GRM5: variants seen among roughly 807,000 people sequenced by gnomAD.
GRM5 encodes the protein metabotropic glutamate receptor 5.
GRM5 carries 19 observed loss-of-function variants against 83.1 expected under a neutral mutation model. The observed-to-expected ratio is 0.23, with a 90% CI of 0.16 to 0.34. The LOEUF (loss-of-function observed/expected upper bound fraction) is 0.34, where lower values mean the gene tolerates loss of function less well. Among genes scored for constraint, GRM5 ranks in the 10% least tolerant of loss-of-function variants. The probability of loss-of-function intolerance (pLI) is 1.00; values close to 1 mark genes in which losing one functional copy is unlikely to be tolerated. For missense variants in GRM5, 1,160 were observed against 1,588.3 expected, an observed-to-expected ratio of 0.73 and a Z score of 4.58; for synonymous variants, 675 against 633.6, an observed-to-expected ratio of 1.07 and a Z score of -0.98.
intron 2 of GRM5, among the ~76,000 whole-genome samples, chr11:88,987,287 C>T (rs1486469302): frequency 1.3e-5 from 2 of 152,180 alleles, no homozygotes; most frequent in African/African-American, 4.8e-5. Context: ...CACCCAAATA[C>T]TGCGCTTTTC....
At chr11:88,995,375 T>A (rs1344361764) in intron 2 of GRM5, among the ~76,000 whole-genome samples, 1 of 151,524 alleles carries the variant, frequency 6.6e-6, no homozygotes, top group Non-Finnish European at 1.5e-5. Flanking sequence ...TGAAACCCCA[T>A]CTCTACTAAA....
chr11:88,734,696 T>G lies in GRM5; in HGVS notation c.912-81293A>C, dbSNP rs191496939. ...CTTTTTAGATTACAGAATATTTTCA[T>G]CATTTTCTGTCTGTCACAGATGCTA... On this transcript the variant is annotated intron_variant, in intron 3 of 9. Transcript: ENST00000305447. 8.3e-4 allele frequency among the ~76,000 whole-genome samples: 127 copies of G among 152,216 alleles called. 1 individual carries two copies. The highest frequency in any genetic ancestry group is 1.1e-3 in the Non-Finnish European group (74 of 67,966).
At chr11:88,941,810 GA>G (rs1938123882) in intron 2 of GRM5, among the ~76,000 whole-genome samples, 1 of 151,922 alleles carries the variant, frequency 6.6e-6, no homozygotes, top group Non-Finnish European at 1.5e-5. Flanking sequence ...GATGATGTGG[GA>G]GACATACAAC....
intron 4 of GRM5, among the ~76,000 whole-genome samples, chr11:88,636,693 G>A (rs1220437958): frequency 3.3e-5 from 5 of 152,120 alleles, no homozygotes; most frequent in Admixed American, 3.3e-4. Context: ...TGGTAATAAT[G>A]TATTATAATT....
intron 3 of GRM5, among the ~76,000 whole-genome samples, chr11:88,821,344 C>CAAA (rs375051761): frequency 5.0e-4 from 34 of 68,172 alleles, no homozygotes; most frequent in African/African-American, 1.2e-3. Flanking sequence ...CTTGAGGGGC[C>CAAA]AAAAAAAAAA....
chr11:88,737,836 A>G (rs1400957159), intron 3 of GRM5, among the ~76,000 whole-genome samples: 1 of 152,106 alleles, frequency 6.6e-6, no homozygotes, highest in Non-Finnish European at 1.5e-5. Flanking sequence ...ACTGAAATTT[A>G]GCTTTAAAAT....
At chr11:89,061,746 G>A (rs925574207) in intron 1 of GRM5, among the ~76,000 whole-genome samples, 4 of 152,112 alleles carry the variant, frequency 2.6e-5, no homozygotes, top group Admixed American at 2.0e-4. Context: ...TGAAAAACTT[G>A]GATTATTCAG....
chr11:89,051,564 G>A (rs1240919831), intron 1 of GRM5, among the ~76,000 whole-genome samples: 1 of 151,968 alleles, frequency 6.6e-6, no homozygotes, highest in Non-Finnish European at 1.5e-5. Context: ...AGAAAAATTA[G>A]CTGGATGTGG....
chr11:88,544,218 AGTCC>A (rs1171146861), intron 8 of GRM5, among the ~76,000 whole-genome samples: 1 of 152,178 alleles, frequency 6.6e-6, no homozygotes, highest in East Asian at 1.9e-4. Flanking sequence ...AGTGTTACCC[AGTCC>A]GTGGTATTCT....
intron 8 of GRM5, among the ~76,000 whole-genome samples, chr11:88,551,770 G>A (rs1442329563): frequency 6.6e-6 from 1 of 152,114 alleles, no homozygotes; most frequent in East Asian, 1.9e-4. Flanking sequence ...TGTAAGAAGT[G>A]AATTAGATTA....
At chr11:88,812,032 T>C (rs1479513376) in intron 3 of GRM5, among the ~76,000 whole-genome samples, 1 of 152,212 alleles carries the variant, frequency 6.6e-6, no homozygotes, top group Admixed American at 6.5e-5. Flanking sequence ...TTAATGTTTC[T>C]GCCTTCAAGT....
intron 2 of GRM5, among the ~76,000 whole-genome samples, chr11:89,039,281 A>G (rs1941471362): frequency 1.0e-5 from 1 of 97,118 alleles, no homozygotes; most frequent in African/African-American, 3.3e-5. Flanking sequence ...AAAAAAAAAT[A>G]TATATATATA....
chr11:89,033,977 G>A (rs1941324016), intron 2 of GRM5, among the ~76,000 whole-genome samples: 1 of 151,710 alleles, frequency 6.6e-6, no homozygotes, highest in South Asian at 2.1e-4. Context: ...CAAGAAAAAT[G>A]TAGCATGGTT....
intron 3 of GRM5, among the ~76,000 whole-genome samples, chr11:88,743,265 A>C (rs192281419): frequency 6.6e-6 from 1 of 152,232 alleles, no homozygotes; most frequent in Non-Finnish European, 1.5e-5. Context: ...ATCAAGAGAA[A>C]ATATCTACTC....
intron 3 of GRM5, among the ~76,000 whole-genome samples, chr11:88,778,032 C>G (rs1410098208): frequency 6.6e-6 from 1 of 152,154 alleles, no homozygotes; most frequent in Non-Finnish European, 1.5e-5. Flanking sequence ...TTGTCTGCTG[C>G]CTTTTGTTCA....
chr11:88,569,057 TG>T (rs1446347110), intron 7 of GRM5, among the ~76,000 whole-genome samples: 3 of 152,206 alleles, frequency 2.0e-5, no homozygotes, highest in Non-Finnish European at 4.4e-5. Flanking sequence ...TTCTCAAAGT[TG>T]GCTACACACT....
chr11:88,626,644 C>T (rs148737851), intron 4 of GRM5, among the ~76,000 whole-genome samples: 2,408 of 152,134 alleles, frequency 0.016, 55 homozygotes, highest in Admixed American at 0.035. Flanking sequence ...GACTAAATTA[C>T]GTCCCCTCAA....
intron 3 of GRM5, among the ~76,000 whole-genome samples, chr11:88,685,559 A>G (rs1393130587): frequency 6.6e-6 from 1 of 152,194 alleles, no homozygotes; most frequent in Non-Finnish European, 1.5e-5. Flanking sequence ...AATGTCTCCA[A>G]GGCATGTCAG....
At chr11:88,741,099 A>T (rs1376250491) in intron 3 of GRM5, among the ~76,000 whole-genome samples, 1 of 152,076 alleles carries the variant, frequency 6.6e-6, no homozygotes, top group East Asian at 1.9e-4. Context: ...TTGGGAAACT[A>T]GGCGGCAACC....
Sources: gnomAD v4.1 joint callset for allele counts (sites outside exome capture counted in the v4.1 genomes callset) on GRCh38, gnomAD v4.1.1 for gene constraint, MANE v1.5 for transcripts, NCBI Gene and HGNC (gene_info 2026-07-23, HGNC 2026-07-21) for gene names.